PLAGL1: variants seen among roughly 807,000 people sequenced by gnomAD.
The protein encoded by PLAGL1 is zinc finger protein PLAGL1.
Under a neutral mutation model 4.6 loss-of-function variants are expected in PLAGL1, and 1 was observed. The observed-to-expected ratio is 0.22, with a 90% CI of 0.08 to 1.03. The LOEUF is 1.03. Among genes scored for constraint, PLAGL1 ranks in the 50% least tolerant of loss-of-function variants. The pLI is 0.58. For missense variants in PLAGL1, 464 were observed against 570.4 expected, an observed-to-expected ratio of 0.81 and a Z score of 1.90; for synonymous variants, 240 against 237.8, an observed-to-expected ratio of 1.01 and a Z score of -0.08.
rs1447869834 is a variant in PLAGL1, at chr6:143,962,272, C to T, written c.-398-1730G>A. Reference sequence around the variant, plus strand: ...CACATCTCAGTTTGACAGGATGCTACTTGCAGATTGCTTTTCAGGTCAGAA... The same window carrying T: ...CACATCTCAGTTTGACAGGATGCTATTTGCAGATTGCTTTTCAGGTCAGAA... On this transcript the variant is annotated intron_variant, in intron 5 of 7. Transcript: ENST00000674357. The surrounding 1 kb of genome is among the most constrained non-coding windows in gnomAD (Gnocchi z 5.3). 6.6e-6 allele frequency among the ~76,000 whole-genome samples: 1 copy of T among 152,202 alleles called. No homozygotes were observed. Among genetic ancestry groups the T allele is most frequent in the Admixed American group, 6.5e-5 (1 of 15,286 alleles).
At chr6:144,023,768 C>CTTTTTTTTT (rs34002736) in intron 1 of PLAGL1, among the ~76,000 whole-genome samples, 25 of 72,658 alleles carry the variant, frequency 3.4e-4, no homozygotes, top group African/African-American at 1.2e-3. Flanking sequence ...TCATATTTAG[C>CTTTTTTTTT]TTTTTTTTTT....
intron 2 of PLAGL1, among the ~76,000 whole-genome samples, chr6:143,980,428 TA>T (rs1321415563): frequency 3.3e-5 from 5 of 150,380 alleles, no homozygotes; most frequent in Non-Finnish European, 5.9e-5. Context: ...TCATTTTGTA[TA>T]ATTGCTATGC....
In PLAGL1 at chr6:144,027,993, C is replaced by A. The variant is rs934549793; in HGVS notation, c.-151+36475G>T. Among the ~76,000 whole-genome samples the A allele has an allele frequency of 1.3e-5, 2 of 152,100 alleles. No individual in the cohort carries two copies. The highest frequency in any genetic ancestry group is 2.9e-5 in the Non-Finnish European group (2 of 68,010). ...AGGAAATATAAAGAATTCAAAACTC[C>A]AAAAATGCACAGGATTGTCCCTTTG... On this transcript the variant is annotated intron_variant, in intron 1 of 3. Transcript: ENST00000437412. This position sits in a 1 kb window ranked among gnomAD's most constrained non-coding sequence, Gnocchi z 5.8.
In PLAGL1 at chr6:143,990,172, G is replaced by A. The variant is rs537671903; in HGVS notation, c.-583-4998C>T. On this transcript the variant is annotated intron_variant, in intron 1 of 7. Coordinates refer to ENST00000674357, the MANE Select transcript of PLAGL1 (RefSeq NM_001317162.2). The surrounding 1 kb of genome is among the most constrained non-coding windows in gnomAD (Gnocchi z 5.4). ...AGTCTCGCTCTGTTGCCAGACTGGAGTGCAGTGGCATGATCTCAGCTCACT... is the reference window on the plus strand; with the variant it reads ...AGTCTCGCTCTGTTGCCAGACTGGAATGCAGTGGCATGATCTCAGCTCACT... Among the ~76,000 whole-genome samples the A allele has an allele frequency of 6.6e-6, 1 of 151,448 alleles. No individual in the cohort carries two copies. Among genetic ancestry groups the A allele is most frequent in the African/African-American group, 2.4e-5 (1 of 41,188 alleles).
chr6:143,998,033 G>A (rs1792048090), intron 1 of PLAGL1, among the ~76,000 whole-genome samples: 1 of 152,180 alleles, frequency 6.6e-6, no homozygotes, highest in Admixed American at 6.5e-5. Context: ...TTAGGCAAAT[G>A]TAAAATTTTC....
In PLAGL1 at chr6:143,958,903, T is replaced by C. The variant is rs191643318; in HGVS notation, c.-325+1566A>G. Among the ~76,000 whole-genome samples, 599 of 152,330 alleles carry C rather than the reference T, an allele frequency of 3.9e-3. 3 individuals are homozygous for C. The highest frequency in any genetic ancestry group is 0.014 in the African/African-American group (569 of 41,564). The stretch of plus-strand genomic sequence containing the variant: ...TAGCAAGCAGGGCCTCTTCTCCTTT[T>C]CACCTTAAGTCTTTTTTCTCTCCCA... On this transcript the variant is annotated intron_variant, in intron 6 of 7. Transcript: ENST00000674357. This position sits in a 1 kb window ranked among gnomAD's most constrained non-coding sequence, Gnocchi z 5.1.
rs190129511 is a variant in PLAGL1 at position 144,026,052 on chromosome 6, C to A, written c.-151+38416G>T. On this transcript the variant is annotated intron_variant, in intron 1 of 3. Coordinates refer to the PLAGL1 transcript ENST00000437412. ...TCTAAAGAATTTCTCCAGTTTATCC[C>A]AGCTCCTTATTACTTTCCCAACCCA... 5.3e-3 allele frequency among the ~76,000 whole-genome samples: 801 copies of A among 152,302 alleles called. 8 individuals carry two copies. The highest frequency in any genetic ancestry group is 0.018 in the African/African-American group (768 of 41,578).
chr6:144,031,476 G>C lies in PLAGL1; in HGVS notation c.-151+32992C>G, dbSNP rs571486983. ...GATGTTATCTTCTAGAACTTTTACA[G>C]TTTCAGGTCTTAGATTTAAGTCTTT... On this transcript the variant is annotated intron_variant, in intron 1 of 3. Coordinates refer to the PLAGL1 transcript ENST00000437412. 3.9e-5 allele frequency among the ~76,000 whole-genome samples: 6 copies of C among 152,318 alleles called. No homozygotes were observed. The East Asian group carries it at 7.7e-4, about 20-fold the overall frequency.
intron 1 of PLAGL1, among the ~76,000 whole-genome samples, chr6:144,014,215 G>C (rs1168586549): frequency 6.6e-6 from 1 of 152,120 alleles, no homozygotes; most frequent in Non-Finnish European, 1.5e-5. Context: ...CAGATCATTT[G>C]AGGTCAGGAG....
intron 1 of PLAGL1, among the ~76,000 whole-genome samples, chr6:144,032,483 A>G (rs1796906502): frequency 6.6e-6 from 1 of 152,016 alleles, no homozygotes; most frequent in Non-Finnish European, 1.5e-5. Flanking sequence ...TTCTTGGCAG[A>G]AATTTTAAGT....
intron 1 of PLAGL1, among the ~76,000 whole-genome samples, chr6:144,014,452 A>G (rs1042950091): frequency 6.6e-6 from 1 of 152,032 alleles, no homozygotes; most frequent in Non-Finnish European, 1.5e-5. Flanking sequence ...TAAAAAAAAG[A>G]CAGTCGGGTA....
rs1779627416 is a variant in PLAGL1 at position 143,945,758 on chromosome 6, A to G, written c.152+2227T>C. Among the ~76,000 whole-genome samples the G allele has an allele frequency of 6.6e-6, 1 of 152,146 alleles. No individual in the cohort carries two copies. Among genetic ancestry groups the G allele is most frequent in the Admixed American group, 6.5e-5 (1 of 15,280 alleles). ...CCAAAGTGCTGGGATTACAGGCATC[A>G]TCTTTTTTTTAAAAGCAAAACCGAA... On this transcript the variant is annotated intron_variant, in intron 7 of 7. Coordinates refer to ENST00000674357, the MANE Select transcript of PLAGL1 (RefSeq NM_001317162.2). The surrounding 1 kb of genome is among the most constrained non-coding windows in gnomAD (Gnocchi z 4.2).
chr6:144,054,413 CA>C (rs1482762103), intron 1 of PLAGL1, among the ~76,000 whole-genome samples: 1 of 152,098 alleles, frequency 6.6e-6, no homozygotes, highest in African/African-American at 2.4e-5. Flanking sequence ...GAATACTATG[CA>C]GCCATAAAAA....
At position 143,955,972 on chromosome 6, in the gene PLAGL1, C is replaced by T. The variant is rs1035646761; in HGVS notation, c.-325+4497G>A. Among the ~76,000 whole-genome samples, 3 of 152,144 alleles carry T rather than the reference C, an allele frequency of 2.0e-5. No homozygotes were observed. The highest frequency in any genetic ancestry group is 2.9e-5 in the Non-Finnish European group (2 of 68,024). ...GAAGAAAAACTCAGCAAAAAATAAG[C>T]GTTAGGAGTTCATTTTTAGACATGC... is the stretch of plus-strand genomic sequence containing the variant. On this transcript the variant is annotated intron_variant, in intron 6 of 7. Coordinates refer to ENST00000674357, the MANE Select transcript of PLAGL1 (RefSeq NM_001317162.2). This position sits in a 1 kb window ranked among gnomAD's most constrained non-coding sequence, Gnocchi z 4.9.
At position 144,016,563 on chromosome 6, in the gene PLAGL1, A is replaced by G. The variant is rs1384198092; in HGVS notation, c.-150-47585T>C. Among the ~76,000 whole-genome samples, 4 of 152,228 alleles carry G rather than the reference A, an allele frequency of 2.6e-5. No homozygotes were observed. Among genetic ancestry groups the G allele is most frequent in the Non-Finnish European group, 5.9e-5 (4 of 68,044 alleles). Reference sequence around the variant, plus strand: ...GTCCCATTCATAGGAAATTTTAGAAACACAAAATTATAGTCTTTCTAAAGC... The same window carrying G: ...GTCCCATTCATAGGAAATTTTAGAAGCACAAAATTATAGTCTTTCTAAAGC... On this transcript the variant is annotated intron_variant, in intron 1 of 3. Transcript: ENST00000437412. This position sits in a 1 kb window ranked among gnomAD's most constrained non-coding sequence, Gnocchi z 4.2.
intron 1 of PLAGL1, among the ~76,000 whole-genome samples, chr6:144,045,842 G>C (rs955043804): frequency 3.9e-5 from 6 of 152,074 alleles, no homozygotes; most frequent in South Asian, 2.1e-4. Context: ...ACGTAGATTT[G>C]GTCTTTTCAC....
At chr6:144,045,476 G>T (rs1024599757) in intron 1 of PLAGL1, among the ~76,000 whole-genome samples, 1 of 152,122 alleles carries the variant, frequency 6.6e-6, no homozygotes, top group African/African-American at 2.4e-5. Context: ...TGAAATTCTG[G>T]GTTGAAAATT....
At chr6:143,976,587 A>G (rs1360601332) in intron 2 of PLAGL1, among the ~76,000 whole-genome samples, 1 of 152,128 alleles carries the variant, frequency 6.6e-6, no homozygotes, top group Non-Finnish European at 1.5e-5. Context: ...CTTCCTGTTA[A>G]TATTTTAAAA....
At position 143,947,035 on chromosome 6, in the gene PLAGL1, G is replaced by T. The variant is rs1429492380; in HGVS notation, c.152+950C>A. ...TAATGTATTCATTTCCCTCATGGAA[G>T]TAGGTACCTAACAGGCACTCAATAA... On this transcript the variant is annotated intron_variant, in intron 7 of 7. Coordinates refer to ENST00000674357, the MANE Select transcript of PLAGL1 (RefSeq NM_001317162.2). The surrounding 1 kb of genome is among the most constrained non-coding windows in gnomAD (Gnocchi z 4.3). 6.6e-6 allele frequency among the ~76,000 whole-genome samples: 1 copy of T among 152,242 alleles called. No individual in the cohort carries two copies. Among genetic ancestry groups the T allele is most frequent in the African/African-American group, 2.4e-5 (1 of 41,462 alleles).
Sources: allele counts gnomAD v4.1 joint callset (sites outside exome capture counted in the v4.1 genomes callset), GRCh38; gene constraint gnomAD v4.1.1; non-coding constraint Gnocchi (gnomAD v3.1); transcripts MANE v1.5; gene names NCBI Gene and HGNC (gene_info 2026-07-23, HGNC 2026-07-21).